The following PCDHGA2 variants were observed in gnomAD, a reference collection of about 807,000 sequenced individuals.
PCDHGA2 encodes the protein protocadherin gamma subfamily A, 2, also known as protocadherin gamma-A2.
In PCDHGA2, 40 loss-of-function variants were observed where a neutral mutation model predicts 59.2. The observed-to-expected ratio is 0.68, with a 90% CI of 0.52 to 0.88. The LOEUF is 0.88. Ranked by LOEUF, PCDHGA2 falls within the 40% of genes least tolerant of loss-of-function variation. The pLI is 0.00. For missense variants in PCDHGA2, 1,226 were observed against 1,204.0 expected, an observed-to-expected ratio of 1.02 and a Z score of -0.27; for synonymous variants, 560 against 526.0, an observed-to-expected ratio of 1.06 and a Z score of -0.89.
chr5:141,492,257 A>G (rs955890030), intron 1 of PCDHGA2, among the ~76,000 whole-genome samples: 1 of 152,126 alleles, frequency 6.6e-6, no homozygotes, highest in Non-Finnish European at 1.5e-5. Flanking sequence ...GGCCCACACA[A>G]GTTGCACGGG....
rs753112747 is a variant in PCDHGA2, at chr5:141,340,197, C to T, written c.1226C>T (p.Ala409Val). 12 of 1,614,036 alleles carry T rather than the reference C, an allele frequency of 7.4e-6. No individual in the cohort carries two copies. The highest frequency in any genetic ancestry group is 1.7e-6 in the Non-Finnish European group (2 of 1,180,000). ...TACTACCGACTGGTTACAACCAGAG[C>T]CCTTGACAGGGAACAGTTTTCCTTT... The part of the protein sequence containing the change: ...DNYYRLVTTR[A>V]LDREQFSFYN... Residue 409 changes from alanine to valine, a missense_variant, in exon 1 of 4, where the codon GCC becomes GTC. Transcript: ENST00000394576.
At chr5:141,408,623 G>C in intron 1 of PCDHGA2, 1 of 1,614,004 alleles carries the variant, frequency 6.2e-7, no homozygotes, top group Non-Finnish European at 8.5e-7. Flanking sequence ...AATACATTTA[G>C]AAATTTTCGA....
At chr5:141,350,586 A>T in intron 1 of PCDHGA2, 1 of 1,614,018 alleles carries the variant, frequency 6.2e-7, no homozygotes, top group South Asian at 1.1e-5. Flanking sequence ...GTCGCTGAAA[A>T]CCCAATGAAT....
At chr5:141,468,889 G>T (rs2099184580) in intron 1 of PCDHGA2, among the ~76,000 whole-genome samples, 1 of 151,496 alleles carries the variant, frequency 6.6e-6, no homozygotes, top group African/African-American at 2.4e-5. Flanking sequence ...ATAATAATAA[G>T]GTACTAATAT....
intron 1 of PCDHGA2, among the ~76,000 whole-genome samples, chr5:141,437,781 A>G (rs957126405): frequency 7.3e-5 from 11 of 149,878 alleles, no homozygotes; most frequent in Admixed American, 6.7e-5. Flanking sequence ...ATCTGTCGCC[A>G]AGCTGGAGTG....
chr5:141,489,483 T>G lies in PCDHGA2; in HGVS notation c.2425-5324T>G. 1.9e-6 allele frequency: 3 copies of G among 1,613,980 alleles called. No individual in the cohort carries two copies. The highest frequency in any genetic ancestry group is 2.5e-6 in the Non-Finnish European group (3 of 1,180,008). ...GCTATTTTTCCCTGAGCTTGATGAG[T>G]GGTGCCCTGGCAGTGAATCAAAAGA... On this transcript the variant is annotated intron_variant, in intron 1 of 3. Coordinates refer to ENST00000394576, the MANE Select transcript of PCDHGA2 (RefSeq NM_018915.4). This position sits in a 1 kb window ranked among gnomAD's most constrained non-coding sequence, Gnocchi z 4.5.
chr5:141,400,007 C>G (rs907315450), intron 1 of PCDHGA2: 2 of 1,612,506 alleles, frequency 1.2e-6, no homozygotes, highest in African/African-American at 1.3e-5. Flanking sequence ...ACAGCGCGTG[C>G]CTTGGGCGAC....
At chr5:141,443,498 C>G (rs1217918256) in intron 1 of PCDHGA2, among the ~76,000 whole-genome samples, 3 of 152,036 alleles carry the variant, frequency 2.0e-5, no homozygotes, top group Non-Finnish European at 4.4e-5. Context: ...AACAAACAAA[C>G]AAATAAAGAG....
intron 1 of PCDHGA2, among the ~76,000 whole-genome samples, chr5:141,459,747 A>G (rs553965181): frequency 3.2e-4 from 48 of 152,318 alleles, no homozygotes; most frequent in African/African-American, 1.1e-3. Flanking sequence ...AATTTTAGCA[A>G]TTCTAGTGGG....
intron 1 of PCDHGA2, chr5:141,366,006 C>G: frequency 1.9e-6 from 3 of 1,614,240 alleles, no homozygotes; most frequent in Non-Finnish European, 2.5e-6. Context: ...AACGACAATA[C>G]GCCTGAGATC....
chr5:141,503,161 T>C (rs1035413931), intron 2 of PCDHGA2, among the ~76,000 whole-genome samples: 3 of 152,054 alleles, frequency 2.0e-5, no homozygotes, highest in Admixed American at 1.3e-4. Context: ...AGTATCACAA[T>C]TGCAATTACT....
intron 1 of PCDHGA2, chr5:141,420,410 A>G (rs2096494809): frequency 2.4e-6 from 3 of 1,236,296 alleles, no homozygotes; most frequent in South Asian, 4.4e-5. Flanking sequence ...TATGGTTATC[A>G]TTATTAAAAC....
rs375101471 is a variant in PCDHGA2 at position 141,365,778 on chromosome 5, A to G, written c.2424+24383A>G. 86 of 1,613,764 alleles carry G rather than the reference A, an allele frequency of 5.3e-5. No homozygotes were observed. The highest frequency in any genetic ancestry group is 6.9e-5 in the Non-Finnish European group (82 of 1,179,892). ...ACAGCCCATGACCCCGACAGCGGCG[A>G]CAACGCTCGAGTCACCTACTCCCTG... On this transcript the variant is annotated intron_variant, in intron 1 of 3. Coordinates refer to ENST00000394576, the MANE Select transcript of PCDHGA2 (RefSeq NM_018915.4).
chr5:141,340,481 T>C lies in PCDHGA2; in HGVS notation c.1510T>C (p.Tyr504His). ...TGTTCAGGGGGCACCCTTATCCTCT[T>C]ACATCTCTATCAACTCCGACACTGG... ...DTVQGAPLSS[Y>H]ISINSDTGVL... The change falls in exon 1 of 4, where the codon TAC becomes CAC. Residue 504 changes from tyrosine (Y) to histidine (H), a missense_variant. Transcript: ENST00000394576. The C allele has an allele frequency of 1.2e-6, 2 of 1,614,186 alleles. No individual in the cohort carries two copies. The highest frequency in any genetic ancestry group is 1.7e-6 in the Non-Finnish European group (2 of 1,180,032).
chr5:141,417,969 T>G, intron 1 of PCDHGA2: 1 of 1,613,768 alleles, frequency 6.2e-7, no homozygotes, highest in Non-Finnish European at 8.5e-7. Flanking sequence ...CGCTACTCGA[T>G]TCCGGAGGAG....
chr5:141,511,823 G>A lies in PCDHGA2; in HGVS notation c.*650G>A, dbSNP rs1490513046. On this transcript the variant is annotated 3_prime_UTR_variant, in exon 4 of 4. Transcript: ENST00000394576. ...TTTTGCTACCAAGCCTCTTCCCAACGCCCTGGGGACCAGTCTTCTGTTTTG... is the reference window on the plus strand; with the variant it reads ...TTTTGCTACCAAGCCTCTTCCCAACACCCTGGGGACCAGTCTTCTGTTTTG... 4 of 156,728 alleles carry A rather than the reference G, an allele frequency of 2.6e-5. No homozygotes were observed. The highest frequency in any genetic ancestry group is 3.2e-3 in the Middle Eastern group (1 of 316). 9.7% of individuals were successfully genotyped at this position (156,728 alleles called of 1,614,324 possible). A position where few individuals can be genotyped will look rare whatever the true frequency, so the allele number is the denominator to read the frequency against.
chr5:141,384,064 A>G, intron 1 of PCDHGA2: 13 of 1,607,984 alleles, frequency 8.1e-6, no homozygotes, highest in Non-Finnish European at 1.1e-5. Context: ...CATTCCAGAA[A>G]ACCTACCTTT....
At position 141,374,819 on chromosome 5, in the gene PCDHGA2, G is replaced by A. The variant is rs1489932950; in HGVS notation, c.2424+33424G>A. On this transcript the variant is annotated intron_variant, in intron 1 of 3. Transcript: ENST00000394576. ...CAACACTCCAATGTTTACTCAGCCT[G>A]TCTACCGTGTAAGTGTTCCTGAAAA... 2 of 1,613,812 alleles carry A rather than the reference G, an allele frequency of 1.2e-6. 1 individual carries two copies. Among genetic ancestry groups the A allele is most frequent in the East Asian group, 4.5e-5 (2 of 44,894 alleles).
Position 141,409,599 on chromosome 5 carries a change from C to A in PCDHGA2, c.2424+68204C>A, listed in dbSNP as rs753753955. The A allele has an allele frequency of 9.9e-6, 16 of 1,613,822 alleles. No individual in the cohort carries two copies. The Admixed American group carries it at 2.2e-4, about 22-fold the overall frequency. ...GTGGTCCACGTGGCCGAGAACAACC[C>A]GCCAGGAGCCTCCATTGCGCAAGTG... On this transcript the variant is annotated intron_variant, in intron 1 of 3. Transcript: ENST00000394576.
Sources: allele counts gnomAD v4.1 joint callset (sites outside exome capture counted in the v4.1 genomes callset), GRCh38; gene constraint gnomAD v4.1.1; non-coding constraint Gnocchi (gnomAD v3.1); transcripts MANE v1.5; gene names NCBI Gene and HGNC (gene_info 2026-07-23, HGNC 2026-07-21).